RANBP2: variants seen among roughly 807,000 people sequenced by gnomAD.
RANBP2 encodes the protein E3 SUMO-protein ligase RanBP2.
Under a neutral mutation model 303.6 loss-of-function variants are expected in RANBP2, and 57 were observed. The observed-to-expected ratio is 0.19, with a 90% CI of 0.15 to 0.23. RANBP2 has a LOEUF of 0.23. Among genes scored for constraint, RANBP2 ranks in the 10% least tolerant of loss-of-function variants. RANBP2 has a pLI of 1.00. For missense variants in RANBP2, 3,138 were observed against 3,780.8 expected (o/e 0.83, Z 4.46); for synonymous variants, 1,167 against 1,301.5 (o/e 0.90, Z 2.23).
the RANBP2 span, chr2:109,553,041 G>A: frequency 1.5e-5 from 24 of 1,587,642 alleles, no homozygotes; most frequent in Non-Finnish European, 2.0e-5. Flanking sequence ...AAATTAATAG[G>A]ACATCTAAAA....
At chr2:108,875,691 C>T in the RANBP2 span, among the ~76,000 whole-genome samples, 8 of 152,008 alleles carry the variant, frequency 5.3e-5, no homozygotes, top group African/African-American at 1.9e-4. Flanking sequence ...CACCCTGTCT[C>T]TACAAAAAAT....
the RANBP2 span, among the ~76,000 whole-genome samples, chr2:109,709,500 A>C: frequency 6.6e-6 from 1 of 152,178 alleles, no homozygotes; most frequent in South Asian, 2.1e-4. Flanking sequence ...AGGGCTTTGC[A>C]ATCCTGCTGC....
At chr2:109,413,305 G>T in the RANBP2 span, among the ~76,000 whole-genome samples, 1 of 152,120 alleles carries the variant, frequency 6.6e-6, no homozygotes, top group Non-Finnish European at 1.5e-5. Context: ...GTAGAGACAG[G>T]GTTTCACCAT....
At chr2:108,935,255 T>C in the RANBP2 span, among the ~76,000 whole-genome samples, 5 of 152,206 alleles carry the variant, frequency 3.3e-5, no homozygotes, top group African/African-American at 4.8e-5. Context: ...CATCAGCTTA[T>C]GACTACTGAG....
the RANBP2 span, among the ~76,000 whole-genome samples, chr2:109,080,148 C>A: frequency 6.6e-6 from 1 of 152,146 alleles, no homozygotes; most frequent in African/African-American, 2.4e-5. Context: ...TGAAACTTGG[C>A]AAAACGCAGC....
At chr2:109,387,918 C>T in the RANBP2 span, among the ~76,000 whole-genome samples, 87 of 152,146 alleles carry the variant, frequency 5.7e-4, 2 homozygotes, top group South Asian at 0.016. Flanking sequence ...TGACTCGTTC[C>T]ACTGCTCCCA....
chr2:109,300,848 A>G, the RANBP2 span, among the ~76,000 whole-genome samples: 1 of 152,124 alleles, frequency 6.6e-6, no homozygotes, highest in Non-Finnish European at 1.5e-5. Flanking sequence ...GGCTCCTACT[A>G]AATCAGAACG....
At chr2:109,141,375 G>A in the RANBP2 span, 1 of 152,662 alleles carries the variant, frequency 6.6e-6, no homozygotes, top group Non-Finnish European at 1.5e-5. Flanking sequence ...AACTTGCTCA[G>A]TGATGAGTGG....
the RANBP2 span, among the ~76,000 whole-genome samples, chr2:109,523,577 A>G: frequency 1.3e-5 from 2 of 152,050 alleles, no homozygotes; most frequent in Admixed American, 6.6e-5. Flanking sequence ...ACACCTTTCA[A>G]CCATAACTCA....
chr2:108,855,338 A>G, the RANBP2 span, among the ~76,000 whole-genome samples: 35 of 152,332 alleles, frequency 2.3e-4, no homozygotes, highest in African/African-American at 7.9e-4. Flanking sequence ...TAAAAACTGT[A>G]TAGTATTCAA....
At chr2:108,912,540 T>A in the RANBP2 span, 5 of 798,638 alleles carry the variant, frequency 6.3e-6, no homozygotes, top group Admixed American at 8.0e-5. Flanking sequence ...CAACATGTCA[T>A]TCAATTACAT....
the RANBP2 span, among the ~76,000 whole-genome samples, chr2:109,566,993 GA>G: frequency 2.0e-5 from 3 of 152,100 alleles, no homozygotes; most frequent in East Asian, 5.8e-4. Context: ...TAGGAATTAA[GA>G]TCACCTCATT....
chr2:108,912,545 T>C, the RANBP2 span: 6 of 819,330 alleles, frequency 7.3e-6, no homozygotes, highest in Admixed American at 6.0e-5. Context: ...TGTCATTCAA[T>C]TACATTAGGG....
the RANBP2 span, among the ~76,000 whole-genome samples, chr2:108,851,709 C>T: frequency 1.8e-4 from 28 of 152,084 alleles, no homozygotes; most frequent in Admixed American, 1.8e-3. Context: ...ATCAGAAAGT[C>T]CAGGAAAGAT....
At chr2:109,211,321 C>A in the RANBP2 span, among the ~76,000 whole-genome samples, 1 of 152,184 alleles carries the variant, frequency 6.6e-6, no homozygotes, top group African/African-American at 2.4e-5. Flanking sequence ...TGTTTAACAT[C>A]TTTATTAATA....
the RANBP2 span, among the ~76,000 whole-genome samples, chr2:109,268,200 T>C: frequency 1.3e-5 from 2 of 151,994 alleles, no homozygotes; most frequent in Admixed American, 1.3e-4. Flanking sequence ...CAGGCTAGAA[T>C]AGGTTTATCT....
chr2:109,394,921 G>A, the RANBP2 span, among the ~76,000 whole-genome samples: 622 of 152,362 alleles, frequency 4.1e-3, 5 homozygotes, highest in Non-Finnish European at 5.1e-3. Context: ...CACGGGAGCC[G>A]CCGTCCCGCA....
the RANBP2 span, among the ~76,000 whole-genome samples, chr2:109,763,389 G>A: frequency 5.3e-5 from 8 of 150,152 alleles, 3 homozygotes; most frequent in Admixed American, 5.4e-4. Flanking sequence ...TCTAAAAATG[G>A]GGCAGCCATA....
chr2:109,599,671 C>T, the RANBP2 span, among the ~76,000 whole-genome samples: 5 of 152,052 alleles, frequency 3.3e-5, no homozygotes, highest in African/African-American at 1.2e-4. Flanking sequence ...AGGATAACTG[C>T]AAATTCTACT....
Sources: allele counts gnomAD v4.1 joint callset (sites outside exome capture counted in the v4.1 genomes callset), GRCh38; gene constraint gnomAD v4.1.1; transcripts MANE v1.5; gene names NCBI Gene and HGNC (gene_info 2026-07-23, HGNC 2026-07-21).